The following RPS6KA5 variants were observed in gnomAD, a reference collection of about 807,000 sequenced individuals.
RPS6KA5 encodes the protein ribosomal protein S6 kinase alpha-5.
Under a neutral mutation model 85.5 loss-of-function variants are expected in RPS6KA5, and 27 were observed. That is an observed-to-expected ratio of 0.32 (90% CI 0.23 to 0.44). The LOEUF (loss-of-function observed/expected upper bound fraction) is 0.44, where lower values mean the gene tolerates loss of function less well. Ranked by LOEUF, RPS6KA5 falls within the 20% of genes least tolerant of loss-of-function variation. RPS6KA5 has a pLI of 1.00. For synonymous variants in RPS6KA5, 334 were observed against 348.2 expected (o/e 0.96, Z 0.46); for missense variants, 811 against 980.9 (o/e 0.83, Z 2.31).
intron 3 of RPS6KA5, among the ~76,000 whole-genome samples, chr14:90,959,244 T>G (rs973295966): frequency 2.5e-4 from 38 of 152,336 alleles, no homozygotes; most frequent in African/African-American, 8.4e-4. Flanking sequence ...ATGTGAACAG[T>G]TGCCCTTGCG....
At chr14:90,932,955 C>T (rs1197409949) in intron 5 of RPS6KA5, among the ~76,000 whole-genome samples, 1 of 152,144 alleles carries the variant, frequency 6.6e-6, no homozygotes, top group Non-Finnish European at 1.5e-5. Context: ...TCTTTTCATC[C>T]TCACTTCATC....
chr14:90,894,224 CAA>C (rs1003952685), intron 13 of RPS6KA5, 187 bp downstream of exon 13: 1 of 1,229,314 alleles, frequency 8.1e-7, no homozygotes, highest in Non-Finnish European at 1.0e-6. Flanking sequence ...AAAAAATAAA[CAA>C]AGACAAATTT....
chr14:90,989,662 A>G (rs1212153047), intron 2 of RPS6KA5, among the ~76,000 whole-genome samples: 1 of 152,232 alleles, frequency 6.6e-6, no homozygotes, highest in African/African-American at 2.4e-5. Flanking sequence ...AAGGCAGCAG[A>G]GAGATTAAAA....
Position 91,060,569 on chromosome 14 carries a change from A to G in RPS6KA5, c.-135T>C, listed in dbSNP as rs2043630439. On this transcript the variant is annotated 5_prime_UTR_variant, in exon 1 of 17. Transcript: ENST00000614987. ...GCTCCAGAACTCGGACGCAAAGACG[A>G]GTCTCTTTCCCGCTCTGGCCGCACG... 7 of 1,142,638 alleles carry G rather than the reference A, an allele frequency of 6.1e-6. No homozygotes were observed. In the South Asian group the frequency reaches 2.5e-4, roughly 41 times the overall value. The allele number at this position is 1,142,638 out of a possible 1,614,324, so 70.8% of individuals were successfully genotyped here. A position where few individuals can be genotyped will look rare whatever the true frequency, so the allele number is the denominator to read the frequency against.
At chr14:90,994,460 A>C (rs1420374102) in intron 2 of RPS6KA5, among the ~76,000 whole-genome samples, 1 of 148,474 alleles carries the variant, frequency 6.7e-6, no homozygotes, top group Non-Finnish European at 1.5e-5. Flanking sequence ...ACACATTTAT[A>C]TTTTATATCT....
At chr14:90,873,555 C>G (rs2033257734) in intron 16 of RPS6KA5, 77 bp downstream of exon 16, 1 of 1,285,040 alleles carries the variant, frequency 7.8e-7, no homozygotes, top group African/African-American at 1.5e-5. Context: ...GAAAACGTAT[C>G]TGAGGCTACA....
intron 1 of RPS6KA5, among the ~76,000 whole-genome samples, chr14:91,034,008 T>C (rs749035993): frequency 6.6e-6 from 1 of 152,168 alleles, no homozygotes; most frequent in Non-Finnish European, 1.5e-5. Flanking sequence ...GTATGCAGCA[T>C]AAAGAATTCT....
intron 3 of RPS6KA5, among the ~76,000 whole-genome samples, chr14:90,957,681 C>T (rs2038594502): frequency 6.6e-6 from 1 of 152,166 alleles, no homozygotes; most frequent in African/African-American, 2.4e-5. Context: ...GCAGGAGTAG[C>T]TTTTGAGGAC....
intron 3 of RPS6KA5, among the ~76,000 whole-genome samples, chr14:90,977,729 A>G (rs755962205): frequency 6.6e-6 from 1 of 152,212 alleles, no homozygotes; most frequent in South Asian, 2.1e-4. Context: ...AGGGAGGTAG[A>G]TACCCCTAAC....
intron 7 of RPS6KA5, among the ~76,000 whole-genome samples, chr14:90,912,904 C>CTTTTTTTTTT (rs57029403): frequency 1.5e-4 from 8 of 53,296 alleles, no homozygotes; most frequent in African/African-American, 4.8e-4. Flanking sequence ...CATAAAGCAT[C>CTTTTTTTTTT]TTTTTTTTTT....
intron 5 of RPS6KA5, among the ~76,000 whole-genome samples, chr14:90,925,973 G>T (rs1325231535): frequency 7.0e-6 from 1 of 142,528 alleles, no homozygotes; most frequent in East Asian, 2.0e-4. Flanking sequence ...GAAAAGAAAA[G>T]AAGAAAAAGA....
rs1566662197 is a variant in RPS6KA5 at position 90,862,225 on chromosome 14, C to T, written c.*9849G>A. 6.6e-6 allele frequency: 1 copy of T among 152,124 alleles called. No individual in the cohort carries two copies. Among genetic ancestry groups the T allele is most frequent in the Non-Finnish European group, 1.5e-5 (1 of 68,008 alleles). The allele number at this position is 152,124 out of a possible 1,614,324, so 9.4% of individuals were successfully genotyped here. On this transcript the variant is annotated 3_prime_UTR_variant, in exon 17 of 17. Transcript: ENST00000614987. ...CAAGATATATTCCAATTAATGACAA[C>T]TTTCCCACAAAGAAAACTTCTCATT... is the stretch of plus-strand genomic sequence containing the variant.
intron 3 of RPS6KA5, among the ~76,000 whole-genome samples, chr14:90,957,961 G>T (rs2038609502): frequency 6.6e-6 from 1 of 151,670 alleles, no homozygotes; most frequent in African/African-American, 2.4e-5. Flanking sequence ...AGGCAACACA[G>T]CCAGACCTCT....
intron 1 of RPS6KA5, among the ~76,000 whole-genome samples, chr14:91,017,568 T>C (rs1427871125): frequency 6.6e-6 from 1 of 152,160 alleles, no homozygotes; most frequent in African/African-American, 2.4e-5. Flanking sequence ...TGCCAATTCC[T>C]TGCAGGGCTG....
chr14:91,004,645 T>C (rs1427126654), intron 1 of RPS6KA5, among the ~76,000 whole-genome samples: 1 of 152,054 alleles, frequency 6.6e-6, no homozygotes, highest in Non-Finnish European at 1.5e-5. Context: ...TTTTACATAG[T>C]CATGGAGCCA....
At chr14:90,949,644 C>T (rs1035575568) in intron 3 of RPS6KA5, among the ~76,000 whole-genome samples, 1 of 152,156 alleles carries the variant, frequency 6.6e-6, no homozygotes, top group African/African-American at 2.4e-5. Flanking sequence ...TGCAACATGG[C>T]ATAGTCAAAA....
chr14:90,892,716 A>G (rs932126414), intron 13 of RPS6KA5, among the ~76,000 whole-genome samples: 1 of 152,252 alleles, frequency 6.6e-6, no homozygotes, highest in Non-Finnish European at 1.5e-5. Context: ...ACCAAAAGAT[A>G]GATAATCAGA....
chr14:91,045,085 T>A (rs1234172892), intron 1 of RPS6KA5, among the ~76,000 whole-genome samples: 1 of 152,148 alleles, frequency 6.6e-6, no homozygotes, highest in Admixed American at 6.5e-5. Context: ...TAAGGATTTA[T>A]AATCTACTAA....
Position 90,971,890 on chromosome 14 carries a change from G to T in RPS6KA5, c.394+6416C>A, listed in dbSNP as rs557310557. Among the ~76,000 whole-genome samples the T allele has an allele frequency of 2.0e-3, 304 of 152,316 alleles. 2 individuals are homozygous for T. Among genetic ancestry groups the T allele is most frequent in the African/African-American group, 7.1e-3 (295 of 41,570 alleles). On this transcript the variant is annotated intron_variant, in intron 3 of 16. Transcript: ENST00000614987. ...AACATGGTTCAGGGCAGGCTAAGAA[G>T]GAACTGGGCAAGACATGAGCAATGT... is the stretch of plus-strand genomic sequence containing the variant.
Sources: allele counts gnomAD v4.1 joint callset (sites outside exome capture counted in the v4.1 genomes callset), GRCh38; gene constraint gnomAD v4.1.1; transcripts MANE v1.5; gene names NCBI Gene and HGNC (gene_info 2026-07-23, HGNC 2026-07-21).